The following PRKD1 variants were observed in gnomAD, a reference collection of about 807,000 sequenced individuals.
The protein encoded by PRKD1 is serine/threonine-protein kinase D1.
PRKD1 carries 63 observed loss-of-function variants against 95.9 expected under a neutral mutation model. That is an observed-to-expected ratio of 0.66 (90% CI 0.54 to 0.81). The LOEUF (loss-of-function observed/expected upper bound fraction) is 0.81, where lower values mean the gene tolerates loss of function less well. PRKD1 is among the 30% of genes least tolerant of loss of function. The pLI, the probability that PRKD1 is intolerant of heterozygous loss-of-function variation, is 0.00. For missense variants in PRKD1, 1,048 were observed against 1,165.3 expected, an observed-to-expected ratio of 0.90 and a Z score of 1.47; for synonymous variants, 425 against 423.1, an observed-to-expected ratio of 1.00 and a Z score of -0.05.
At chr14:29,744,288 C>T (rs1201503254) in intron 1 of PRKD1, among the ~76,000 whole-genome samples, 1 of 152,200 alleles carries the variant, frequency 6.6e-6, no homozygotes, top group Non-Finnish European at 1.5e-5. Context: ...CACTGCCATC[C>T]AGTTGTTCAG....
chr14:29,818,617 A>G (rs1448095656), intron 1 of PRKD1, among the ~76,000 whole-genome samples: 10 of 59,810 alleles, frequency 1.7e-4, no homozygotes, highest in Admixed American at 7.0e-4. Flanking sequence ...ACTTCATTTG[A>G]AAAAAAAAAA....
chr14:29,758,757 C>T (rs1210792294), intron 1 of PRKD1, among the ~76,000 whole-genome samples: 1 of 152,136 alleles, frequency 6.6e-6, no homozygotes, highest in Admixed American at 6.5e-5. Context: ...CAAGATCTGG[C>T]CACATAAAGC....
At chr14:29,835,168 A>ATC (rs1433249461) in intron 1 of PRKD1, among the ~76,000 whole-genome samples, 11 of 103,246 alleles carry the variant, frequency 1.1e-4, no homozygotes, top group South Asian at 3.0e-4. Flanking sequence ...ACTGAAAAAA[A>ATC]ACAAATTCAT....
chr14:29,899,711 A>C (rs1894255988), intron 1 of PRKD1, among the ~76,000 whole-genome samples: 2 of 152,220 alleles, frequency 1.3e-5, no homozygotes, highest in Non-Finnish European at 2.9e-5. Flanking sequence ...CTTAAATTAC[A>C]ACCTCAGTAA....
intron 2 of PRKD1, among the ~76,000 whole-genome samples, chr14:29,681,929 G>A (rs561310968): frequency 1.1e-3 from 163 of 152,272 alleles, no homozygotes; most frequent in Non-Finnish European, 2.0e-3. Flanking sequence ...AGTATGCTGA[G>A]AAAATGAACA....
At chr14:29,844,121 G>A (rs896562499) in intron 1 of PRKD1, among the ~76,000 whole-genome samples, 19 of 152,172 alleles carry the variant, frequency 1.2e-4, no homozygotes, top group African/African-American at 4.1e-4. Context: ...AAACAAACCT[G>A]GCTCCAGATT....
At chr14:29,697,718 T>C (rs892910733) in intron 2 of PRKD1, among the ~76,000 whole-genome samples, 2 of 152,184 alleles carry the variant, frequency 1.3e-5, no homozygotes, top group Non-Finnish European at 2.9e-5. Flanking sequence ...TTTTTTGACA[T>C]GATTGTGCTT....
chr14:29,754,668 A>G (rs1256578862), intron 1 of PRKD1, among the ~76,000 whole-genome samples: 7 of 151,928 alleles, frequency 4.6e-5, no homozygotes, highest in Non-Finnish European at 8.8e-5. Flanking sequence ...CCTTTATTCA[A>G]TCTCTTCAGT....
intron 1 of PRKD1, among the ~76,000 whole-genome samples, chr14:29,732,019 G>A (rs543579660): frequency 1.6e-4 from 25 of 151,954 alleles, no homozygotes; most frequent in African/African-American, 5.3e-4. Flanking sequence ...GATGGCAGAC[G>A]TACACAGTAC....
chr14:29,855,116 G>T (rs1210068762), intron 1 of PRKD1, among the ~76,000 whole-genome samples: 1 of 152,218 alleles, frequency 6.6e-6, no homozygotes, highest in Non-Finnish European at 1.5e-5. Context: ...AGTCCCTACT[G>T]GGGCACCACC....
chr14:29,798,394 T>C (rs1889900760), intron 1 of PRKD1, among the ~76,000 whole-genome samples: 1 of 152,168 alleles, frequency 6.6e-6, no homozygotes, highest in Admixed American at 6.5e-5. Context: ...GGTTGGAGCT[T>C]CTAATTTGCA....
chr14:29,870,786 C>T (rs1893076807), intron 1 of PRKD1, among the ~76,000 whole-genome samples: 1 of 152,054 alleles, frequency 6.6e-6, no homozygotes, highest in Admixed American at 6.6e-5. Flanking sequence ...GTAATAATGA[C>T]ATTTATGACT....
chr14:29,592,570 T>C (rs1893169781), intron 16 of PRKD1: 1 of 149,190 alleles, frequency 6.7e-6, no homozygotes, highest in South Asian at 2.1e-4. Flanking sequence ...ACTAAATACA[T>C]ACATACAGAT....
At chr14:29,795,509 T>C (rs45590238) in intron 1 of PRKD1, among the ~76,000 whole-genome samples, 24 of 152,260 alleles carry the variant, frequency 1.6e-4, no homozygotes, top group South Asian at 4.1e-4. Context: ...TAATTAAACA[T>C]TGTCTTTTCT....
At chr14:29,707,706 T>A (rs1201375127) in intron 2 of PRKD1, among the ~76,000 whole-genome samples, 2 of 152,206 alleles carry the variant, frequency 1.3e-5, no homozygotes, top group Admixed American at 1.3e-4. Context: ...AGGCACTTTT[T>A]GTGTTTCTGG....
At chr14:29,780,634 A>T (rs990821944) in intron 1 of PRKD1, among the ~76,000 whole-genome samples, 56 of 152,330 alleles carry the variant, frequency 3.7e-4, no homozygotes, top group African/African-American at 1.3e-3. Context: ...AAAAGTTAGG[A>T]AACAACAGGT....
At chr14:29,655,919 T>TAA (rs991551376) in intron 4 of PRKD1, among the ~76,000 whole-genome samples, 45 of 147,328 alleles carry the variant, frequency 3.1e-4, no homozygotes, top group African/African-American at 1.1e-3. Context: ...TAAAGTATAA[T>TAA]AAAAAATATA....
At position 29,665,024 on chromosome 14, in the gene PRKD1, A is replaced by G. The variant is rs548499161; in HGVS notation, c.535+1053T>C. Among the ~76,000 whole-genome samples, 5 of 152,318 alleles carry G rather than the reference A, an allele frequency of 3.3e-5. No homozygotes were observed. In the South Asian group the frequency reaches 1.0e-3, roughly 32 times the overall value. ...ATTGAGCACCATATAGGGGTGAAAC[A>G]TGTCCACATGATAAGGGAGAAAAGA... is the stretch of plus-strand genomic sequence containing the variant. On this transcript the variant is annotated intron_variant, in intron 3 of 17. Transcript: ENST00000331968.
chr14:29,634,452 C>T lies in PRKD1; in HGVS notation c.1280G>A (p.Gly427Glu). The change falls in exon 8 of 18, where the codon GGA becomes GAA. Residue 427 changes from glycine to glutamate, a missense_variant. Physicochemically the swap from Gly to Glu is moderately conservative, Grantham distance 98. Around this residue, in one of 3 missense-constraint regions of PRKD1, gnomAD observed 739 missense variants for 861.9 expected, o/e 0.86. Transcript: ENST00000331968. Reference sequence around the variant, plus strand: ...CTTGCTGGTGTAGTGGACCATCCATCCTTCTTTCATGACTGTGCTGCTTTT... The same window carrying T: ...CTTGCTGGTGTAGTGGACCATCCATTCTTCTTTCATGACTGTGCTGCTTTT... ...KRKSSTVMKE[G>E]WMVHYTSKDT... The T allele has an allele frequency of 6.2e-7, 1 of 1,614,102 alleles. No homozygotes were observed.
Sources: gnomAD v4.1 joint callset for allele counts (sites outside exome capture counted in the v4.1 genomes callset) on GRCh38, gnomAD v4.1.1 for gene constraint, gnomAD v4.1.1 regional missense constraint, MANE v1.5 for transcripts, NCBI Gene and HGNC (gene_info 2026-07-23, HGNC 2026-07-21) for gene names.